SYT1: variants seen among roughly 807,000 people sequenced by gnomAD.
The protein encoded by SYT1 is synaptotagmin-1.
In SYT1, 8 loss-of-function variants were observed where a neutral mutation model predicts 44.8. That is an observed-to-expected ratio of 0.18 (90% CI 0.10 to 0.32). The LOEUF is 0.32. Ranked by LOEUF, SYT1 falls within the 10% of genes least tolerant of loss-of-function variation. The probability of loss-of-function intolerance (pLI) is 1.00; values close to 1 mark genes in which losing one functional copy is unlikely to be tolerated. For synonymous variants in SYT1, 154 were observed against 188.8 expected (o/e 0.82, Z 1.51); for missense variants, 286 against 509.3 (o/e 0.56, Z 4.22).
At chr12:79,351,220 G>A (rs1882886669) in intron 8 of SYT1, among the ~76,000 whole-genome samples, 1 of 151,966 alleles carries the variant, frequency 6.6e-6, no homozygotes, top group Admixed American at 6.5e-5. Flanking sequence ...TCCTGCTTCC[G>A]AGCATGCTTT....
At chr12:79,355,041 C>T (rs1004634128) in intron 9 of SYT1, among the ~76,000 whole-genome samples, 3 of 152,070 alleles carry the variant, frequency 2.0e-5, no homozygotes, top group African/African-American at 4.8e-5. Context: ...TGGCTTCTTC[C>T]GGGGTCCCAG....
intron 9 of SYT1, among the ~76,000 whole-genome samples, chr12:79,358,312 G>A (rs1005293282): frequency 5.3e-5 from 8 of 152,190 alleles, no homozygotes; most frequent in South Asian, 2.1e-4. Flanking sequence ...GATCTATTCC[G>A]TAGAAATTCT....
At chr12:79,080,093 T>C (rs1020799883) in intron 3 of SYT1, among the ~76,000 whole-genome samples, 10 of 152,206 alleles carry the variant, frequency 6.6e-5, no homozygotes, top group Non-Finnish European at 1.2e-4. Flanking sequence ...ACTTCTTCAA[T>C]AGCAAACTTT....
intron 9 of SYT1, among the ~76,000 whole-genome samples, chr12:79,385,526 A>G (rs1884403014): frequency 6.6e-6 from 1 of 152,176 alleles, no homozygotes; most frequent in African/African-American, 2.4e-5. Flanking sequence ...TGTCAGCCAC[A>G]ATTAAAATTA....
intron 4 of SYT1, among the ~76,000 whole-genome samples, chr12:79,271,926 C>G (rs1175072288): frequency 6.6e-6 from 1 of 151,980 alleles, no homozygotes; most frequent in African/African-American, 2.4e-5. Context: ...CTCTTTTTTT[C>G]TTAATGCATC....
chr12:79,103,135 CTAAA>C (rs1878530555), intron 3 of SYT1: 1 of 152,080 alleles, frequency 6.6e-6, no homozygotes, highest in Admixed American at 6.6e-5. Flanking sequence ...GTGGCTTTCC[CTAAA>C]CACAGATAAG....
intron 4 of SYT1, among the ~76,000 whole-genome samples, chr12:79,224,050 A>C (rs552989971): frequency 6.6e-6 from 1 of 152,220 alleles, no homozygotes; most frequent in East Asian, 1.9e-4. Context: ...GTGAGCTTTC[A>C]TGTGGTTTCC....
intron 9 of SYT1, among the ~76,000 whole-genome samples, chr12:79,395,043 G>C (rs1884814107): frequency 1.3e-5 from 2 of 152,052 alleles, no homozygotes; most frequent in Non-Finnish European, 2.9e-5. Context: ...TAAAGAACTT[G>C]ATACATAATA....
chr12:79,179,393 G>GATATAGATATATCTATATATAT (rs370886492), intron 3 of SYT1, among the ~76,000 whole-genome samples: 1 of 58,544 alleles, frequency 1.7e-5, no homozygotes, highest in African/African-American at 1.1e-4. Flanking sequence ...TATCGATATA[G>GATATAGATATATCTATATATAT]ATATCCATAT....
At position 78,980,683 on chromosome 12, in the gene SYT1, TAA is replaced by T. The variant is rs542324008; in HGVS notation, c.-84+2753_-84+2754del. On this transcript the variant is annotated intron_variant, in intron 2 of 10. Transcript: ENST00000261205. ...TCCACAACATTATAGTAAAATTACA[TAA>T]GTTATAAAACTAGAAATTGAAGGGA... 1.1e-3 allele frequency among the ~76,000 whole-genome samples: 166 copies of T among 152,254 alleles called. 1 individual carries two copies. The highest frequency in any genetic ancestry group is 2.0e-3 in the Non-Finnish European group (135 of 67,992).
chr12:79,310,258 A>G (rs1448242390), intron 8 of SYT1, among the ~76,000 whole-genome samples: 2 of 152,074 alleles, frequency 1.3e-5, no homozygotes, highest in Non-Finnish European at 2.9e-5. Context: ...TCCCAGCACC[A>G]TTTATTAAAT....
chr12:79,337,092 C>T (rs1009791625), intron 8 of SYT1, among the ~76,000 whole-genome samples: 1 of 152,034 alleles, frequency 6.6e-6, no homozygotes, highest in African/African-American at 2.4e-5. Flanking sequence ...TGTTGGGACC[C>T]CTTGGCTCAC....
At chr12:79,227,229 A>C (rs1230938177) in intron 4 of SYT1, among the ~76,000 whole-genome samples, 2 of 152,110 alleles carry the variant, frequency 1.3e-5, no homozygotes, top group East Asian at 1.9e-4. Context: ...TTAAGGCTTA[A>C]ATTTTTTTTA....
intron 2 of SYT1, among the ~76,000 whole-genome samples, chr12:79,000,440 C>T (rs1421584261): frequency 6.6e-6 from 1 of 151,902 alleles, no homozygotes; most frequent in Non-Finnish European, 1.5e-5. Flanking sequence ...ATTTCAGTTA[C>T]AGGCATGTGC....
intron 9 of SYT1, among the ~76,000 whole-genome samples, chr12:79,386,505 C>T (rs1458647825): frequency 2.0e-5 from 3 of 152,048 alleles, no homozygotes; most frequent in African/African-American, 7.2e-5. Flanking sequence ...TCTCCTAGCC[C>T]CCCAACCCCC....
chr12:79,156,645 T>C (rs1411267876), intron 3 of SYT1, among the ~76,000 whole-genome samples: 1 of 152,058 alleles, frequency 6.6e-6, no homozygotes, highest in East Asian at 1.9e-4. Context: ...TTTTTTGTAT[T>C]TTTAGTAGAG....
intron 3 of SYT1, among the ~76,000 whole-genome samples, chr12:79,135,502 A>G (rs2138194073): frequency 6.6e-6 from 1 of 152,296 alleles, no homozygotes; most frequent in Non-Finnish European, 1.5e-5. Flanking sequence ...TTCATAAATT[A>G]TTTATTCATT....
At chr12:79,138,234 TA>T (rs1288276204) in intron 3 of SYT1, among the ~76,000 whole-genome samples, 3 of 152,128 alleles carry the variant, frequency 2.0e-5, no homozygotes, top group African/African-American at 7.2e-5. Flanking sequence ...AAAAACTACT[TA>T]AAAAGCAGTA....
At chr12:79,405,659 T>G (rs1182512388) in intron 9 of SYT1, among the ~76,000 whole-genome samples, 1 of 152,148 alleles carries the variant, frequency 6.6e-6, no homozygotes, top group African/African-American at 2.4e-5. Context: ...AAATCCTCTG[T>G]AAACAGTAGA....
Sources: allele counts gnomAD v4.1 joint callset (sites outside exome capture counted in the v4.1 genomes callset), GRCh38; gene constraint gnomAD v4.1.1; transcripts MANE v1.5; gene names NCBI Gene and HGNC (gene_info 2026-07-23, HGNC 2026-07-21).